The following TENM3 variants were observed in gnomAD, a reference collection of about 807,000 sequenced individuals.
TENM3 encodes the protein teneurin-3.
In TENM3, 63 loss-of-function variants were observed where a neutral mutation model predicts 255.1. The observed-to-expected ratio is 0.25, with a 90% CI of 0.20 to 0.30. The LOEUF (loss-of-function observed/expected upper bound fraction) is 0.30, where lower values mean the gene tolerates loss of function less well. Ranked by LOEUF, TENM3 falls within the 10% of genes least tolerant of loss-of-function variation. TENM3 has a pLI of 1.00. For synonymous variants in TENM3, 1,306 were observed against 1,322.3 expected (o/e 0.99, Z 0.27); for missense variants, 2,929 against 3,461.1 (o/e 0.85, Z 3.86).
chr4:182,140,875 G>A (rs12650536), upstream of TENM3, among the ~76,000 whole-genome samples: 1 of 152,056 alleles, frequency 6.6e-6, no homozygotes, highest in South Asian at 2.1e-4. Flanking sequence ...GACTTGACCC[G>A]CGGGGAGGCG....
chr4:181,762,891 C>A, the TENM3 span, among the ~76,000 whole-genome samples: 1 of 146,766 alleles, frequency 6.8e-6, no homozygotes, highest in South Asian at 2.2e-4. Flanking sequence ...AGACTTTTTA[C>A]AATTTACATA....
intron 2 of TENM3, among the ~76,000 whole-genome samples, chr4:182,342,544 T>C (rs1764547503): frequency 6.6e-6 from 1 of 152,122 alleles, no homozygotes; most frequent in South Asian, 2.1e-4. Context: ...GTTCTAAAAT[T>C]AATTGTGCCC....
At chr4:181,555,533 A>G in the TENM3 span, among the ~76,000 whole-genome samples, 3 of 152,236 alleles carry the variant, frequency 2.0e-5, no homozygotes, top group Non-Finnish European at 4.4e-5. Context: ...AAATTCTTCA[A>G]TATAAGCAAG....
At chr4:182,710,066 C>G (rs959108068) in intron 12 of TENM3, among the ~76,000 whole-genome samples, 3 of 152,188 alleles carry the variant, frequency 2.0e-5, no homozygotes, top group East Asian at 3.9e-4. Context: ...TTTTGTCCAC[C>G]CTTAAAACTG....
the TENM3 span, among the ~76,000 whole-genome samples, chr4:181,897,419 A>G: frequency 2.0e-5 from 3 of 152,336 alleles, no homozygotes; most frequent in East Asian, 3.9e-4. Flanking sequence ...AAGTGTATCC[A>G]GGAATACATT....
chr4:182,466,316 T>C (rs1377312443), intron 3 of TENM3, among the ~76,000 whole-genome samples: 2 of 152,128 alleles, frequency 1.3e-5, no homozygotes, highest in Admixed American at 1.3e-4. Flanking sequence ...TAGGGAAGAA[T>C]CCTCCCCTGC....
At chr4:181,889,852 A>G in the TENM3 span, among the ~76,000 whole-genome samples, 1 of 152,142 alleles carries the variant, frequency 6.6e-6, no homozygotes, top group Non-Finnish European at 1.5e-5. Flanking sequence ...TTTCTTCTTC[A>G]TTATTTTAAT....
At chr4:181,465,449 C>T in the TENM3 span, among the ~76,000 whole-genome samples, 1 of 152,088 alleles carries the variant, frequency 6.6e-6, no homozygotes, top group Non-Finnish European at 1.5e-5. Context: ...TAGAAATTAC[C>T]TTTGTGTTGA....
At chr4:182,098,393 C>G in the TENM3 span, among the ~76,000 whole-genome samples, 1 of 152,272 alleles carries the variant, frequency 6.6e-6, no homozygotes, top group East Asian at 1.9e-4. Flanking sequence ...CTCCTGTTAA[C>G]TGCAGTACTA....
At chr4:182,720,602 C>T (rs1253741241) in intron 13 of TENM3, among the ~76,000 whole-genome samples, 1 of 152,096 alleles carries the variant, frequency 6.6e-6, no homozygotes, top group East Asian at 1.9e-4. Context: ...GATAGTGAAT[C>T]CCATTCTGGG....
At chr4:182,689,344 T>C (rs1756836027) in intron 12 of TENM3, among the ~76,000 whole-genome samples, 2 of 152,236 alleles carry the variant, frequency 1.3e-5, no homozygotes, top group African/African-American at 4.8e-5. Flanking sequence ...TTCGCTTTTT[T>C]GCTCACAGGA....
chr4:181,660,561 G>A, the TENM3 span, among the ~76,000 whole-genome samples: 1 of 152,130 alleles, frequency 6.6e-6, no homozygotes, highest in African/African-American at 2.4e-5. Context: ...CCAAGTTGAT[G>A]CCAGTAGATA....
At chr4:181,605,210 C>T in the TENM3 span, among the ~76,000 whole-genome samples, 1 of 151,814 alleles carries the variant, frequency 6.6e-6, no homozygotes, top group African/African-American at 2.4e-5. Context: ...CTTCGCGAGG[C>T]CGAAGTGGGT....
intron 18 of TENM3, among the ~76,000 whole-genome samples, chr4:182,740,631 T>C (rs1170957093): frequency 6.6e-6 from 1 of 152,130 alleles, no homozygotes; most frequent in Non-Finnish European, 1.5e-5. Context: ...TACGAATCAA[T>C]AGGAAAACTA....
chr4:181,981,705 G>A, the TENM3 span, among the ~76,000 whole-genome samples: 2 of 152,088 alleles, frequency 1.3e-5, no homozygotes, highest in Admixed American at 6.6e-5. Flanking sequence ...GCATGAAAAA[G>A]GAGTAGATAA....
chr4:182,687,104 G>A (rs1457555403), intron 11 of TENM3, among the ~76,000 whole-genome samples: 2 of 152,116 alleles, frequency 1.3e-5, no homozygotes, highest in East Asian at 3.8e-4. Context: ...AACAGAACAT[G>A]TGACTACATA....
chr4:181,927,433 G>C, the TENM3 span, among the ~76,000 whole-genome samples: 1 of 152,172 alleles, frequency 6.6e-6, no homozygotes, highest in Non-Finnish European at 1.5e-5. Context: ...GGAGCCCACC[G>C]CAGCTCAGCA....
At chr4:182,169,179 T>C in intron 1 of TENM3, 1 of 445,170 alleles carries the variant, frequency 2.2e-6, no homozygotes, top group Non-Finnish European at 4.5e-6. Flanking sequence ...TGAAAATTAA[T>C]GAGATTAATT....
chr4:182,403,106 C>T (rs1011236827), intron 3 of TENM3, among the ~76,000 whole-genome samples: 5 of 152,220 alleles, frequency 3.3e-5, no homozygotes, highest in African/African-American at 4.8e-5. Flanking sequence ...CGACCATTTC[C>T]GAAGCTGGGC....
Sources: allele counts gnomAD v4.1 joint callset (sites outside exome capture counted in the v4.1 genomes callset), GRCh38; gene constraint gnomAD v4.1.1; transcripts MANE v1.5; gene names NCBI Gene and HGNC (gene_info 2026-07-23, HGNC 2026-07-21).